PTPN11: variants seen among roughly 807,000 people sequenced by gnomAD.
PTPN11 encodes tyrosine-protein phosphatase non-receptor type 11.
In PTPN11, 6 loss-of-function variants were observed where a neutral mutation model predicts 78.8. That is an observed-to-expected ratio of 0.08 (90% CI 0.04 to 0.15). The LOEUF is 0.15. Ranked by LOEUF, PTPN11 falls within the 10% of genes least tolerant of loss-of-function variation. The pLI is 1.00. For missense variants in PTPN11, 386 were observed against 744.8 expected (o/e 0.52, Z 5.61); for synonymous variants, 221 against 263.5 (o/e 0.84, Z 1.56).
rs41279090 is a variant in PTPN11 at position 112,477,630 on chromosome 12, C to T, written c.854-21C>T. 111,679 of 1,584,378 alleles carry T rather than the reference C, an allele frequency of 0.07. 4,395 individuals carry two copies. Among genetic ancestry groups the T allele is most frequent in the Middle Eastern group, 0.12 (540 of 4,610 alleles). On this transcript the variant is annotated intron_variant, in intron 7 of 15. Coordinates refer to ENST00000351677, the MANE Select transcript of PTPN11 (RefSeq NM_002834.5). ...TGAAGCAGTCCAGGACTTATGTGAC[C>T]GTGGTCTCTTTTTCTTCTAGTTGAT...
chr12:112,442,874 AT>A (rs1566162810), intron 1 of PTPN11, among the ~76,000 whole-genome samples: 41 of 76,560 alleles, frequency 5.4e-4, no homozygotes, highest in African/African-American at 2.1e-3. Flanking sequence ...ATATATATAT[AT>A]ATAAATTATA....
intron 14 of PTPN11, among the ~76,000 whole-genome samples, chr12:112,502,746 AAAAAT>A (rs916788571): frequency 2.6e-5 from 4 of 152,150 alleles, no homozygotes; most frequent in Non-Finnish European, 4.4e-5. Flanking sequence ...GCCTCTGTCT[AAAAAT>A]AAAATAAAAT....
chr12:112,440,140 G>A (rs1352669610), intron 1 of PTPN11, among the ~76,000 whole-genome samples: 2 of 152,176 alleles, frequency 1.3e-5, no homozygotes, highest in Admixed American at 1.3e-4. Context: ...ACAGATGAAA[G>A]AAGCTGCAAG....
chr12:112,486,406 A>G lies in PTPN11; in HGVS notation c.1225-69A>G, dbSNP rs1592852791. ...CTCTCCATTGGATTTAGGAAAGCTT[A>G]GAACCGGGTGATTCCTCAACCTCTT... On this transcript the variant is annotated intron_variant, in intron 10 of 15. Coordinates refer to ENST00000351677, the MANE Select transcript of PTPN11 (RefSeq NM_002834.5). The G allele has an allele frequency of 2.7e-6, 4 of 1,469,514 alleles. No homozygotes were observed. The East Asian group carries it at 9.1e-5, about 33-fold the overall frequency. The allele number at this position is 1,469,514 out of a possible 1,614,324, so 91.0% of individuals were successfully genotyped here. A position where few individuals can be genotyped will look rare whatever the true frequency, so the allele number is the denominator to read the frequency against.
chr12:112,490,208 T>C (rs2038729477), intron 13 of PTPN11, among the ~76,000 whole-genome samples: 2 of 152,112 alleles, frequency 1.3e-5, no homozygotes, highest in African/African-American at 4.8e-5. Flanking sequence ...GGCTCAAGAA[T>C]AGTTAGGCAA....
chr12:112,440,563 C>CTTTTT (rs772805515), intron 1 of PTPN11, among the ~76,000 whole-genome samples: 4 of 90,722 alleles, frequency 4.4e-5, no homozygotes, highest in African/African-American at 8.3e-5. Flanking sequence ...TGTGCCTGGC[C>CTTTTT]TTTTTTTTTT....
chr12:112,497,508 G>A (rs2038828268), intron 13 of PTPN11, among the ~76,000 whole-genome samples: 2 of 152,194 alleles, frequency 1.3e-5, no homozygotes, highest in African/African-American at 4.8e-5. Flanking sequence ...GCCCCTATGT[G>A]CCCTATTGTT....
chr12:112,429,651 A>C (rs1379613292), intron 1 of PTPN11, among the ~76,000 whole-genome samples: 1 of 151,732 alleles, frequency 6.6e-6, no homozygotes, highest in Non-Finnish European at 1.5e-5. Flanking sequence ...AAAATACAGA[A>C]AAATTAACTG....
chr12:112,451,736 A>G (rs894043653), intron 3 of PTPN11, among the ~76,000 whole-genome samples: 3 of 152,240 alleles, frequency 2.0e-5, no homozygotes, highest in Non-Finnish European at 1.5e-5. Context: ...CTGTTGAAGT[A>G]TAGGTTGTAT....
chr12:112,497,590 A>C (rs1377343364), intron 13 of PTPN11, among the ~76,000 whole-genome samples: 1 of 152,172 alleles, frequency 6.6e-6, no homozygotes, highest in Non-Finnish European at 1.5e-5. Context: ...TCATTCCTGC[A>C]TTAATTAAAG....
chr12:112,454,520 CATA>C, intron 4 of PTPN11, 41 bp from the exon 5 acceptor site: 1 of 1,416,816 alleles, frequency 7.1e-7, no homozygotes, highest in South Asian at 1.2e-5. Context: ...ACTAATGTAA[CATA>C]AAGGTAACAA....
intron 14 of PTPN11, 127 bp downstream of exon 14, chr12:112,502,383 C>G: frequency 1.3e-6 from 1 of 788,910 alleles, no homozygotes. Flanking sequence ...TCCTGTTGCC[C>G]TACTGTTAGT....
chr12:112,430,145 C>G (rs936740178), intron 1 of PTPN11, among the ~76,000 whole-genome samples: 7 of 151,910 alleles, frequency 4.6e-5, no homozygotes, highest in Admixed American at 2.0e-4. Flanking sequence ...CTCAGCCTCT[C>G]AAGTAGCTGG....
At chr12:112,427,133 C>T (rs1216556605) in intron 1 of PTPN11, among the ~76,000 whole-genome samples, 1 of 152,032 alleles carries the variant, frequency 6.6e-6, no homozygotes, top group Non-Finnish European at 1.5e-5. Flanking sequence ...GTAGTCACAG[C>T]TACTTGGGAG....
In PTPN11 at chr12:112,454,565, A is replaced by G. The variant is rs1290487642; in HGVS notation, c.527A>G (p.Glu176Gly). ...KVTHVMIRCQ[E>G]LKYDVGGGER... ...AATGTCATGTGTTTATCTTGAAAGGAACTGAAATACGACGTTGGTGGAGGA... is the reference window on the plus strand; with the variant it reads ...AATGTCATGTGTTTATCTTGAAAGGGACTGAAATACGACGTTGGTGGAGGA... Residue 176 changes from glutamate to glycine, a missense_variant and splice_region_variant, in exon 5 of 16, where the codon GAA becomes GGA. Around this residue, in one of 3 missense-constraint regions of PTPN11, gnomAD observed 279 missense variants for 503.3 expected, o/e 0.55. Transcript: ENST00000351677. 6.2e-7 allele frequency: 1 copy of G among 1,608,576 alleles called. No individual in the cohort carries two copies. Among genetic ancestry groups the G allele is most frequent in the Admixed American group, 1.7e-5 (1 of 59,990 alleles).
intron 1 of PTPN11, among the ~76,000 whole-genome samples, chr12:112,420,110 A>G (rs377687075): frequency 1.3e-3 from 204 of 152,224 alleles, no homozygotes; most frequent in African/African-American, 4.7e-3. Context: ...TGTTGCTTCT[A>G]TTATTTTGTA....
At chr12:112,464,386 AT>A (rs1000523892) in intron 6 of PTPN11, among the ~76,000 whole-genome samples, 25 of 150,934 alleles carry the variant, frequency 1.7e-4, no homozygotes, top group African/African-American at 3.9e-4. Context: ...CAAGTCTTTG[AT>A]TTTTTTTTCC....
At chr12:112,422,515 G>A (rs536014416) in intron 1 of PTPN11, among the ~76,000 whole-genome samples, 56 of 152,122 alleles carry the variant, frequency 3.7e-4, no homozygotes, top group Admixed American at 4.6e-4. Context: ...ATCCATACGC[G>A]ACGATGAGCT....
In PTPN11 at chr12:112,507,102, G is replaced by A. The variant is rs2038945255; in HGVS notation, c.*1310G>A. The A allele has an allele frequency of 6.4e-6, 1 of 156,514 alleles. No individual in the cohort carries two copies. The highest frequency in any genetic ancestry group is 1.4e-5 in the Non-Finnish European group (1 of 70,706). 9.7% of individuals were successfully genotyped at this position (156,514 alleles called of 1,614,324 possible). A position where few individuals can be genotyped will look rare whatever the true frequency, so the allele number is the denominator to read the frequency against. Reference sequence around the variant, plus strand: ...TGTGAAGTAGAGGTGCAGTTAAGTGGGGGGCCACTAGTCTAACAGACGGTC... The same window carrying A: ...TGTGAAGTAGAGGTGCAGTTAAGTGAGGGGCCACTAGTCTAACAGACGGTC... On this transcript the variant is annotated 3_prime_UTR_variant, in exon 16 of 16. Coordinates refer to ENST00000351677, the MANE Select transcript of PTPN11 (RefSeq NM_002834.5).
Sources: allele counts gnomAD v4.1 joint callset (sites outside exome capture counted in the v4.1 genomes callset), GRCh38; gene constraint gnomAD v4.1.1; regional missense constraint gnomAD v4.1.1; transcripts MANE v1.5; gene names NCBI Gene and HGNC (gene_info 2026-07-23, HGNC 2026-07-21).